VARS2: variants seen among roughly 807,000 people sequenced by gnomAD.
The protein encoded by VARS2 is valyl-tRNA synthetase 2, mitochondrial.
Under a neutral mutation model 154.1 loss-of-function variants are expected in VARS2, and 105 were observed. The ratio of observed to expected loss-of-function variants is 0.68; its 90% CI spans 0.58 to 0.80. The LOEUF (loss-of-function observed/expected upper bound fraction) is 0.80. VARS2 is among the 30% of genes least tolerant of loss of function. The pLI is 0.00. For missense variants in VARS2, 1,157 were observed against 1,361.4 expected (o/e 0.85, Z 2.36); for synonymous variants, 483 against 539.5 (o/e 0.90, Z 1.45).
chr6:30,925,038 G>C (rs1175224346), intron 26 of VARS2, among the ~76,000 whole-genome samples: 2 of 152,050 alleles, frequency 1.3e-5, no homozygotes, highest in East Asian at 1.9e-4. Context: ...TTTATTTTTG[G>C]TTGGCCATTT....
At position 30,916,921 on chromosome 6, in the gene VARS2, T is replaced by C. The variant is rs1442668714; in HGVS notation, c.715T>C (p.Ser239Pro). The C allele has an allele frequency of 1.9e-6, 3 of 1,614,078 alleles. No homozygotes were observed. The highest frequency in any genetic ancestry group is 3.3e-5 in the Admixed American group (2 of 60,004). ...ICEQLRALGA[S>P]LDWDRECFTM... ...TGAGCAGCTGCGAGCTCTGGGTGCC[T>C]CCCTGGACTGGGATCGAGAGTGTTT... Residue 239 changes from serine to proline, a missense_variant, in exon 8 of 30, where the codon TCC (serine) becomes CCC (proline). Physicochemically the swap from Ser to Pro is moderately conservative, Grantham distance 74. Coordinates refer to ENST00000676266, the MANE Select transcript of VARS2 (RefSeq NM_020442.6). This position sits in a 1 kb window ranked among gnomAD's most constrained non-coding sequence, Gnocchi z 4.0.
chr6:30,919,150 G>C lies in VARS2; in HGVS notation c.1074+235G>C, dbSNP rs11757745. The stretch of plus-strand genomic sequence containing the variant: ...GCCTTTTTTTTTGAGACAGAGTCTC[G>C]CTCTGTCACCAAGGCTGGAGGGCAG... On this transcript the variant is annotated intron_variant, in intron 11 of 29. Coordinates refer to ENST00000676266, the MANE Select transcript of VARS2 (RefSeq NM_020442.6). This position sits in a 1 kb window ranked among gnomAD's most constrained non-coding sequence, Gnocchi z 4.5. The C allele has an allele frequency of 0.013, 6,486 of 485,294 alleles. 210 individuals carry two copies. The highest frequency in any genetic ancestry group is 0.068 in the African/African-American group (3,542 of 51,872). The allele number at this position is 485,294 out of a possible 1,614,324, so 30.1% of individuals were successfully genotyped here. A position where few individuals can be genotyped will look rare whatever the true frequency, so the allele number is the denominator to read the frequency against.
chr6:30,925,998 G>A lies in VARS2; in HGVS notation c.3080G>A (p.Arg1027Lys). Residue 1027 changes from arginine to lysine, a missense_variant, in exon 29 of 30, where the codon AGG becomes AAG. Transcript: ENST00000676266. ...TPSEGEAGTQ[R>K]QQKLSSLQLE... ...TCAGAAGGGGAGGCAGGGACTCAGA[G>A]GCAACAAAAGGTAAGGCTGAGGGAG... is the stretch of plus-strand genomic sequence containing the variant. The A allele has an allele frequency of 1.2e-6, 2 of 1,613,112 alleles. No individual in the cohort carries two copies. Among genetic ancestry groups the A allele is most frequent in the Non-Finnish European group, 1.7e-6 (2 of 1,180,036 alleles).
In VARS2 at chr6:30,914,318, G is replaced by A; in HGVS notation, c.-54G>A. On this transcript the variant is annotated 5_prime_UTR_variant, in exon 1 of 30. Coordinates refer to ENST00000676266, the MANE Select transcript of VARS2 (RefSeq NM_020442.6). ...TCCTCAGTCCCTGCCGCCGCGGGGC[G>A]CCCTGGGATAGCGGCGGGGCCTCCT... The A allele has an allele frequency of 8.6e-7, 1 of 1,165,150 alleles. No homozygotes were observed. Among genetic ancestry groups the A allele is most frequent in the Admixed American group, 4.2e-5 (1 of 23,744 alleles). The allele number at this position is 1,165,150 out of a possible 1,614,324, so 72.2% of individuals were successfully genotyped here. A position where few individuals can be genotyped will look rare whatever the true frequency, so the allele number is the denominator to read the frequency against.
Position 30,914,995 on chromosome 6 carries a change from G to C in VARS2, c.159G>C (p.Glu53Asp). The C allele has an allele frequency of 6.2e-7, 1 of 1,613,424 alleles. No homozygotes were observed. Among genetic ancestry groups the C allele is most frequent in the African/African-American group, 1.3e-5 (1 of 75,054 alleles). Reference sequence around the variant, plus strand: ...AAGCCAAACAGAAGCGCCTGCGAGAGAAGCAGGCGACTCTGGAGGCTGAGA... The same window carrying C: ...AAGCCAAACAGAAGCGCCTGCGAGACAAGCAGGCGACTCTGGAGGCTGAGA... ...NREAKQKRLR[E>D]KQATLEAEIA... is the part of the protein sequence containing the mutation. The change falls in exon 2 of 30, where the codon GAG becomes GAC. Residue 53 changes from glutamate to aspartate, a missense_variant. Coordinates refer to ENST00000676266, the MANE Select transcript of VARS2 (RefSeq NM_020442.6).
chr6:30,916,415 C>T lies in VARS2; in HGVS notation c.671+166C>T. 2 of 599,310 alleles carry T rather than the reference C, an allele frequency of 3.3e-6. No individual in the cohort carries two copies. The highest frequency in any genetic ancestry group is 2.9e-6 in the Non-Finnish European group (1 of 344,584). 37.1% of individuals were successfully genotyped at this position (599,310 alleles called of 1,614,324 possible). A position where few individuals can be genotyped will look rare whatever the true frequency, so the allele number is the denominator to read the frequency against. On this transcript the variant is annotated intron_variant, in intron 7 of 29. Transcript: ENST00000676266. This position sits in a 1 kb window ranked among gnomAD's most constrained non-coding sequence, Gnocchi z 4.0. The stretch of plus-strand genomic sequence containing the variant: ...GTTAACATTTGGTGGAGTTTCTAAG[C>T]CTTATGTGTGTGGATATTATATATG...
chr6:30,922,095 T>TA, intron 19 of VARS2, 21 bp from the exon 20 acceptor site: 3 of 1,612,396 alleles, frequency 1.9e-6, no homozygotes, highest in Non-Finnish European at 2.5e-6. Context: ...CTGGGCCTCT[T>TA]ACTGCTCCTC....
chr6:30,914,810 AT>A lies in VARS2; in HGVS notation c.-26del. ...TGTGCTCTCTCTCTATCCAGAACAG[AT>A]CTCGGCCCCTTTCCAAACACTCCTG... is the stretch of plus-strand genomic sequence containing the variant. On this transcript the variant is annotated splice_region_variant and 5_prime_UTR_variant, in exon 2 of 30. Coordinates refer to ENST00000676266, the MANE Select transcript of VARS2 (RefSeq NM_020442.6). The A allele has an allele frequency of 6.2e-7, 1 of 1,612,828 alleles. No homozygotes were observed. The highest frequency in any genetic ancestry group is 1.1e-5 in the South Asian group (1 of 91,068).
chr6:30,920,119 C>A lies in VARS2; in HGVS notation c.1196C>A (p.Pro399His). The change falls in exon 13 of 30, where the codon CCT becomes CAT. Residue 399 changes from proline to histidine, a missense_variant. By Grantham distance (77) the Pro-to-His change is moderately conservative (BLOSUM62 -2). Coordinates refer to ENST00000676266, the MANE Select transcript of VARS2 (RefSeq NM_020442.6). This position sits in a 1 kb window ranked among gnomAD's most constrained non-coding sequence, Gnocchi z 4.6. ...GTGAAGGTGACTCCAGCTCACAGTCCTGCCGATGCTGAGATGGGGGCCCGA... is the reference window on the plus strand; with the variant it reads ...GTGAAGGTGACTCCAGCTCACAGTCATGCCGATGCTGAGATGGGGGCCCGA... ...GAVKVTPAHS[P>H]ADAEMGARHG... is the part of the protein sequence containing the mutation. 6.3e-7 allele frequency: 1 copy of A among 1,576,986 alleles called. No homozygotes were observed. The highest frequency in any genetic ancestry group is 8.6e-7 in the Non-Finnish European group (1 of 1,161,322).
chr6:30,920,624 C>A lies in VARS2; in HGVS notation c.1398-44C>A. 6.8e-7 allele frequency: 1 copy of A among 1,480,126 alleles called. No individual in the cohort carries two copies. 91.7% of individuals were successfully genotyped at this position (1,480,126 alleles called of 1,614,324 possible). A position where few individuals can be genotyped will look rare whatever the true frequency, so the allele number is the denominator to read the frequency against. ...GGGGTCTTGTGCCCCTGGGAGAAGT[C>A]ACAGGGCCGGAAGAGCAGTGGACTC... On this transcript the variant is annotated intron_variant, in intron 14 of 29. Coordinates refer to ENST00000676266, the MANE Select transcript of VARS2 (RefSeq NM_020442.6). The surrounding 1 kb of genome is among the most constrained non-coding windows in gnomAD (Gnocchi z 4.6).
In VARS2 at chr6:30,926,306, T is replaced by C; in HGVS notation, c.*96T>C. 8.0e-7 allele frequency: 1 copy of C among 1,250,814 alleles called. No individual in the cohort carries two copies. Among genetic ancestry groups the C allele is most frequent in the South Asian group, 1.3e-5 (1 of 76,976 alleles). 77.5% of individuals were successfully genotyped at this position (1,250,814 alleles called of 1,614,324 possible). ...GGGTGCAGTGGGACGTCAGAGACTA[T>C]GTGGTCCATCGCCTTCATTGTGTAA... On this transcript the variant is annotated 3_prime_UTR_variant, in exon 30 of 30. Coordinates refer to ENST00000676266, the MANE Select transcript of VARS2 (RefSeq NM_020442.6).
rs1243597195 is a variant in VARS2 at position 30,914,257 on chromosome 6, CTCCAGGGCCACGT to C, written c.-107_-95del. ...GGCCCCGCCCCCATGCGCCGCGCGG[CTCCAGGGCCACGT>C]TCCAGGGTCGGGTTTGGTGGATTCC... On this transcript the variant is annotated 5_prime_UTR_variant, in exon 1 of 30. It removes the in-frame stop codon of an upstream open reading frame in the 5' UTR. Transcript: ENST00000676266. The C allele has an allele frequency of 4.9e-6, 4 of 809,236 alleles. No individual in the cohort carries two copies. Among genetic ancestry groups the C allele is most frequent in the African/African-American group, 1.8e-5 (1 of 56,560 alleles). 50.1% of individuals were successfully genotyped at this position (809,236 alleles called of 1,614,324 possible).
rs1315061097 is a variant in VARS2, at chr6:30,921,084, T to G, written c.1499T>G (p.Leu500Arg). ...CTCCAGGCTGTGGAGTCGGGGGCCC[T>G]GGAGCTCAGTCCCTCCTTCCACCAG... ...RAAKAVESGA[L>R]ELSPSFHQKN... Residue 500 changes from leucine to arginine, a missense_variant, in exon 16 of 30, where the codon CTG becomes CGG. Leu to Arg is a moderately radical substitution (Grantham distance 102). Transcript: ENST00000676266. This position sits in a 1 kb window ranked among gnomAD's most constrained non-coding sequence, Gnocchi z 4.6. 6.2e-7 allele frequency: 1 copy of G among 1,613,530 alleles called. No homozygotes were observed. The highest frequency in any genetic ancestry group is 8.5e-7 in the Non-Finnish European group (1 of 1,179,694).
Position 30,915,027 on chromosome 6 carries a change from G to T in VARS2, c.191G>T (p.Gly64Val), listed in dbSNP as rs770206564. 11 of 1,613,468 alleles carry T rather than the reference G, an allele frequency of 6.8e-6. No individual in the cohort carries two copies. The highest frequency in any genetic ancestry group is 9.3e-6 in the Non-Finnish European group (11 of 1,179,984). ...GCGACTCTGGAGGCTGAGATAGCAG[G>T]GGAGAGCAAGGTTAGGGGTCAGACA... ...KQATLEAEIA[G>V]ESKSPAESIK... The change falls in exon 2 of 30, where the codon GGG (glycine) becomes GTG (valine). Residue 64 changes from glycine (G) to valine (V), a missense_variant. By Grantham distance (109) the Gly-to-Val change is moderately radical. Transcript: ENST00000676266.
In VARS2 at chr6:30,921,393, C is replaced by A. The variant is rs925243972; in HGVS notation, c.1632+88C>A. 7 of 1,534,720 alleles carry A rather than the reference C, an allele frequency of 4.6e-6. No individual in the cohort carries two copies. Among genetic ancestry groups the A allele is most frequent in the Non-Finnish European group, 6.3e-6 (7 of 1,113,760 alleles). On this transcript the variant is annotated intron_variant, in intron 17 of 29. Coordinates refer to ENST00000676266, the MANE Select transcript of VARS2 (RefSeq NM_020442.6). This position sits in a 1 kb window ranked among gnomAD's most constrained non-coding sequence, Gnocchi z 4.6. ...AGCTCCGCAGGGCCAAGTCCCGCTC[C>A]TGCCTGGTCATGTGCTTCATGCTCA...
At position 30,924,403 on chromosome 6, in the gene VARS2, C is replaced by T. The variant is rs935811374; in HGVS notation, c.2516C>T (p.Pro839Leu). ...CACTCGCCCCGCCCCCTGGGGCCCC[C>T]TCAGGTCCTGTTCTCCTGCGCTGAC... Reference protein sequence around the residue: ...LWHSPRPLGPPQVLFSCADLG... With the variant: ...LWHSPRPLGPLQVLFSCADLG... The change falls in exon 26 of 30, where the codon CCT becomes CTT. Residue 839 changes from proline (P) to leucine (L), a missense_variant. Transcript: ENST00000676266. The T allele has an allele frequency of 6.2e-7, 1 of 1,612,718 alleles. No individual in the cohort carries two copies. The highest frequency in any genetic ancestry group is 1.3e-5 in the African/African-American group (1 of 74,930).
chr6:30,920,149 G>C lies in VARS2; in HGVS notation c.1226G>C (p.Gly409Ala). The C allele has an allele frequency of 6.3e-7, 1 of 1,592,198 alleles. No individual in the cohort carries two copies. Among genetic ancestry groups the C allele is most frequent in the Non-Finnish European group, 8.6e-7 (1 of 1,169,142 alleles). Residue 409 changes from glycine (G) to alanine (A), a missense_variant, in exon 13 of 30, where the codon GGC becomes GCC. Coordinates refer to ENST00000676266, the MANE Select transcript of VARS2 (RefSeq NM_020442.6). This position sits in a 1 kb window ranked among gnomAD's most constrained non-coding sequence, Gnocchi z 4.6. ...PADAEMGARH[G>A]LSPLNVIAED... ...GATGCTGAGATGGGGGCCCGACATGGCTTGAGCCCCTTGAATGTCATTGCG... is the reference window on the plus strand; with the variant it reads ...GATGCTGAGATGGGGGCCCGACATGCCTTGAGCCCCTTGAATGTCATTGCG...
At position 30,921,389 on chromosome 6, in the gene VARS2, G is replaced by A. The variant is rs147585802; in HGVS notation, c.1632+84G>A. 1.6e-5 allele frequency: 25 copies of A among 1,539,024 alleles called. No individual in the cohort carries two copies. The highest frequency in any genetic ancestry group is 2.7e-5 in the African/African-American group (2 of 73,292). ...TCAGAGCTCCGCAGGGCCAAGTCCC[G>A]CTCCTGCCTGGTCATGTGCTTCATG... is the stretch of plus-strand genomic sequence containing the variant. On this transcript the variant is annotated intron_variant, in intron 17 of 29. Transcript: ENST00000676266. The surrounding 1 kb of genome is among the most constrained non-coding windows in gnomAD (Gnocchi z 4.6).
chr6:30,917,021 C>CA lies in VARS2; in HGVS notation c.753+63dup. 6.2e-7 allele frequency: 1 copy of CA among 1,613,246 alleles called. No individual in the cohort carries two copies. The highest frequency in any genetic ancestry group is 8.5e-7 in the Non-Finnish European group (1 of 1,179,312). On this transcript the variant is annotated intron_variant, in intron 8 of 29. Coordinates refer to ENST00000676266, the MANE Select transcript of VARS2 (RefSeq NM_020442.6). The surrounding 1 kb of genome is among the most constrained non-coding windows in gnomAD (Gnocchi z 4.4). ...GCGATGTTTAGGGATCTGTGTGGGG[C>CA]AGGGAGGAAGCAATGCCTGGGTCCC...
Sources: gnomAD v4.1 joint callset for allele counts (sites outside exome capture counted in the v4.1 genomes callset) on GRCh38, gnomAD v4.1.1 for gene constraint, Gnocchi (gnomAD v3.1) non-coding constraint, MANE v1.5 for transcripts, NCBI Gene and HGNC (gene_info 2026-07-23, HGNC 2026-07-21) for gene names.